Variants in FSBP observed in about 807,000 individuals in gnomAD.
FSBP encodes fibrinogen silencer binding protein, also known as fibrinogen silencer-binding protein.
In FSBP, 18 loss-of-function variants were observed where a neutral mutation model predicts 24.6. That is an observed-to-expected ratio of 0.73 (90% CI 0.51 to 1.08). FSBP has a LOEUF of 1.08. Among genes scored for constraint, FSBP ranks in the 50% least tolerant of loss-of-function variants. The pLI is 0.00. For synonymous variants in FSBP, 110 were observed against 125.8 expected (o/e 0.87, Z 0.84); for missense variants, 305 against 347.6 (o/e 0.88, Z 0.98).
chr8:94,430,728 T>A lies in FSBP; in HGVS notation c.*1403A>T. 1 of 955,952 alleles carries A rather than the reference T, an allele frequency of 1.0e-6. No individual in the cohort carries two copies. Among genetic ancestry groups the A allele is most frequent in the Non-Finnish European group, 1.2e-6 (1 of 803,160 alleles). The allele number at this position is 955,952 out of a possible 1,614,324, so 59.2% of individuals were successfully genotyped here. A position where few individuals can be genotyped will look rare whatever the true frequency, so the allele number is the denominator to read the frequency against. ...ATGTTTTAAAAGCATTTTGTGTTATTTGCAAACATTTTAAAATTGGAAGAT... is the reference window on the plus strand; with the variant it reads ...ATGTTTTAAAAGCATTTTGTGTTATATGCAAACATTTTAAAATTGGAAGAT... On this transcript the variant is annotated 3_prime_UTR_variant, in exon 2 of 2. Transcript: ENST00000481490.
At chr8:94,434,680 TA>T (rs1412584791) in intron 1 of FSBP, among the ~76,000 whole-genome samples, 3 of 151,570 alleles carry the variant, frequency 2.0e-5, no homozygotes, top group Non-Finnish European at 4.4e-5. Context: ...ATCAATCAAA[TA>T]AATATAAGCA....
In FSBP at chr8:94,432,119, T is replaced by TG; in HGVS notation, c.*11dup. On this transcript the variant is annotated 3_prime_UTR_variant, in exon 2 of 2. Transcript: ENST00000481490. The stretch of plus-strand genomic sequence containing the variant: ...AATCAAAATTATCAAATTGCAAGAT[T>TG]GAAAAAAAAACTTAGAGACTGTTAT... 6.6e-7 allele frequency: 1 copy of TG among 1,511,038 alleles called. No homozygotes were observed. Among genetic ancestry groups the TG allele is most frequent in the Non-Finnish European group, 8.8e-7 (1 of 1,131,664 alleles). The allele number at this position is 1,511,038 out of a possible 1,614,324, so 93.6% of individuals were successfully genotyped here. A position where few individuals can be genotyped will look rare whatever the true frequency, so the allele number is the denominator to read the frequency against.
rs941258942 is a variant in FSBP at position 94,429,142 on chromosome 8, T to A, written c.*2989A>T. On this transcript the variant is annotated 3_prime_UTR_variant, in exon 2 of 2. Coordinates refer to ENST00000481490, the MANE Select transcript of FSBP (RefSeq NM_001256141.2). ...ACTCAAAGAGTGTGATTCTGGTGTT[T>A]AAAAATATGTAAAAATAGGTTTCTT... is the stretch of plus-strand genomic sequence containing the variant. 1 of 972,296 alleles carries A rather than the reference T, an allele frequency of 1.0e-6. No individual in the cohort carries two copies. Among genetic ancestry groups the A allele is most frequent in the Non-Finnish European group, 1.2e-6 (1 of 818,130 alleles). The allele number at this position is 972,296 out of a possible 1,614,324, so 60.2% of individuals were successfully genotyped here.
intron 1 of FSBP, among the ~76,000 whole-genome samples, chr8:94,433,713 T>C (rs1160512021): frequency 6.6e-6 from 1 of 151,882 alleles, no homozygotes; most frequent in Non-Finnish European, 1.5e-5. Context: ...TTTTTTTTAA[T>C]TTATGCTTCT....
In FSBP at chr8:94,430,329, T is replaced by C. The variant is rs1457143144; in HGVS notation, c.*1802A>G. 2 of 967,216 alleles carry C rather than the reference T, an allele frequency of 2.1e-6. No individual in the cohort carries two copies. Among genetic ancestry groups the C allele is most frequent in the Non-Finnish European group, 2.5e-6 (2 of 815,472 alleles). 59.9% of individuals were successfully genotyped at this position (967,216 alleles called of 1,614,324 possible). On this transcript the variant is annotated 3_prime_UTR_variant, in exon 2 of 2. Coordinates refer to ENST00000481490, the MANE Select transcript of FSBP (RefSeq NM_001256141.2). The stretch of plus-strand genomic sequence containing the variant: ...CCATCTCAAAAAAAAAAAAAAAAAG[T>C]ATTTAATGTAATTCATAATCTGGTA...
chr8:94,435,533 AAGG>A (rs1812231294), intron 1 of FSBP, among the ~76,000 whole-genome samples: 1 of 152,126 alleles, frequency 6.6e-6, no homozygotes, highest in African/African-American at 2.4e-5. Context: ...TCAAACTAAC[AAGG>A]AGTTTACAAT....
Position 94,431,201 on chromosome 8 carries a change from C to T in FSBP, c.*930G>A, listed in dbSNP as rs968270291. Reference sequence around the variant, plus strand: ...CTAAAATAACAATACTTATAAAATACATAAAATTTTAATTTTGTTCATTCT... The same window carrying T: ...CTAAAATAACAATACTTATAAAATATATAAAATTTTAATTTTGTTCATTCT... On this transcript the variant is annotated 3_prime_UTR_variant, in exon 2 of 2. Transcript: ENST00000481490. 5.4e-6 allele frequency: 5 copies of T among 929,232 alleles called. No individual in the cohort carries two copies. Among genetic ancestry groups the T allele is most frequent in the Non-Finnish European group, 6.4e-6 (5 of 779,062 alleles). The allele number at this position is 929,232 out of a possible 1,614,324, so 57.6% of individuals were successfully genotyped here. A position where few individuals can be genotyped will look rare whatever the true frequency, so the allele number is the denominator to read the frequency against.
rs1812103548 is a variant in FSBP, at chr8:94,431,846, T to C, written c.*285A>G. On this transcript the variant is annotated 3_prime_UTR_variant, in exon 2 of 2. Transcript: ENST00000481490. ...CTTTGAAAGAATATGTGTTTGTATA[T>C]GCATTTGTGTATATCTTAGTGATCA... 1.9e-6 allele frequency: 2 copies of C among 1,070,254 alleles called. No individual in the cohort carries two copies. Among genetic ancestry groups the C allele is most frequent in the Non-Finnish European group, 2.3e-6 (2 of 879,156 alleles). 66.3% of individuals were successfully genotyped at this position (1,070,254 alleles called of 1,614,324 possible).
Position 94,428,874 on chromosome 8 carries a change from T to A in FSBP, c.*3257A>T. The A allele has an allele frequency of 1.0e-6, 1 of 985,228 alleles. No homozygotes were observed. The highest frequency in any genetic ancestry group is 1.2e-6 in the Non-Finnish European group (1 of 829,812). 61.0% of individuals were successfully genotyped at this position (985,228 alleles called of 1,614,324 possible). A position where few individuals can be genotyped will look rare whatever the true frequency, so the allele number is the denominator to read the frequency against. ...TACAAAAAAGAAGAAAAAAAAAGGT[T>A]TGGTTCCAAATTACCCTAAGATACT... is the stretch of plus-strand genomic sequence containing the variant. On this transcript the variant is annotated 3_prime_UTR_variant, in exon 2 of 2. Transcript: ENST00000481490.
chr8:94,428,308 C>T lies in FSBP; in HGVS notation c.*3823G>A. 1.0e-6 allele frequency: 1 copy of T among 982,698 alleles called. No individual in the cohort carries two copies. Among genetic ancestry groups the T allele is most frequent in the East Asian group, 1.1e-4 (1 of 8,816 alleles). The allele number at this position is 982,698 out of a possible 1,614,324, so 60.9% of individuals were successfully genotyped here. ...ATTTTGTAATTAAAGCTCATGGACC[C>T]CAAACAATTGTCTATGATATGCAAG... On this transcript the variant is annotated 3_prime_UTR_variant, in exon 2 of 2. Transcript: ENST00000481490.
chr8:94,429,663 A>T lies in FSBP; in HGVS notation c.*2468T>A, dbSNP rs568112224. The stretch of plus-strand genomic sequence containing the variant: ...CCTCAAATTAAGAATTACAAGATTC[A>T]TTAGACTCAAAGAAAAGTCATAGCA... On this transcript the variant is annotated 3_prime_UTR_variant, in exon 2 of 2. Coordinates refer to ENST00000481490, the MANE Select transcript of FSBP (RefSeq NM_001256141.2). The T allele has an allele frequency of 1.1e-5, 11 of 983,706 alleles. No homozygotes were observed. Among genetic ancestry groups the T allele is most frequent in the African/African-American group, 1.7e-5 (1 of 57,316 alleles). 60.9% of individuals were successfully genotyped at this position (983,706 alleles called of 1,614,324 possible). A position where few individuals can be genotyped will look rare whatever the true frequency, so the allele number is the denominator to read the frequency against.
chr8:94,430,715 C>A lies in FSBP; in HGVS notation c.*1416G>T, dbSNP rs536062108. ...TGTTGTCTGTATAATGTTTTAAAAG[C>A]ATTTTGTGTTATTTGCAAACATTTT... On this transcript the variant is annotated 3_prime_UTR_variant, in exon 2 of 2. Transcript: ENST00000481490. The A allele has an allele frequency of 2.1e-6, 2 of 933,002 alleles. No homozygotes were observed. Among genetic ancestry groups the A allele is most frequent in the Admixed American group, 1.2e-4 (2 of 16,210 alleles). The allele number at this position is 933,002 out of a possible 1,614,324, so 57.8% of individuals were successfully genotyped here. A position where few individuals can be genotyped will look rare whatever the true frequency, so the allele number is the denominator to read the frequency against.
Position 94,436,822 on chromosome 8 carries a change from A to G in FSBP, c.47T>C (p.Leu16Pro), listed in dbSNP as rs1812276831. Residue 16 changes from leucine to proline, a missense_variant, in exon 1 of 2, where the codon CTT becomes CCT. Leu to Pro is a moderately conservative substitution (Grantham distance 98). Coordinates refer to ENST00000481490, the MANE Select transcript of FSBP (RefSeq NM_001256141.2). ...TGGCTTCACAAGCTTTAGCAAATCA[A>G]GCTTTTCGGATAAGGTAAAATTGGA... ...RSSNFTLSEK[L>P]DLLKLVKPYV... 3 of 1,546,526 alleles carry G rather than the reference A, an allele frequency of 1.9e-6. No homozygotes were observed. The highest frequency in any genetic ancestry group is 2.6e-6 in the Non-Finnish European group (3 of 1,145,692).
chr8:94,428,796 A>T lies in FSBP; in HGVS notation c.*3335T>A. 1.0e-6 allele frequency: 1 copy of T among 985,334 alleles called. No individual in the cohort carries two copies. Among genetic ancestry groups the T allele is most frequent in the Non-Finnish European group, 1.2e-6 (1 of 829,876 alleles). 61.0% of individuals were successfully genotyped at this position (985,334 alleles called of 1,614,324 possible). On this transcript the variant is annotated 3_prime_UTR_variant, in exon 2 of 2. Coordinates refer to ENST00000481490, the MANE Select transcript of FSBP (RefSeq NM_001256141.2). ...CCCCTTAATGAAACTTGTCCTCAAC[A>T]AAAACTGCTAATGTTAGTTGGTAAG...
chr8:94,435,538 G>A (rs1267494107), intron 1 of FSBP, among the ~76,000 whole-genome samples: 6 of 152,122 alleles, frequency 3.9e-5, no homozygotes, highest in East Asian at 1.9e-4. Flanking sequence ...CTAACAAGGA[G>A]TTTACAATTT....
chr8:94,430,353 T>A lies in FSBP; in HGVS notation c.*1778A>T. 1 of 983,540 alleles carries A rather than the reference T, an allele frequency of 1.0e-6. No individual in the cohort carries two copies. The allele number at this position is 983,540 out of a possible 1,614,324, so 60.9% of individuals were successfully genotyped here. A position where few individuals can be genotyped will look rare whatever the true frequency, so the allele number is the denominator to read the frequency against. ...GTATTTAATGTAATTCATAATCTGGTATCAACCATCATCCAAATTTATATC... is the reference window on the plus strand; with the variant it reads ...GTATTTAATGTAATTCATAATCTGGAATCAACCATCATCCAAATTTATATC... On this transcript the variant is annotated 3_prime_UTR_variant, in exon 2 of 2. Transcript: ENST00000481490.
Position 94,432,326 on chromosome 8 carries a change from G to C in FSBP, c.705C>G (p.Ile235Met). The C allele has an allele frequency of 6.5e-7, 1 of 1,550,166 alleles. No homozygotes were observed. Among genetic ancestry groups the C allele is most frequent in the Admixed American group, 2.0e-5 (1 of 50,972 alleles). The change falls in exon 2 of 2, where the codon ATC becomes ATG. Residue 235 changes from isoleucine (I) to methionine (M), a missense_variant. Ile to Met is a conservative substitution (Grantham distance 10). Transcript: ENST00000481490. ...FRSLLGYDPQ[I>M]LQMLKEEHQI... ...GATGCTCCTCTTTCAACATTTGCAG[G>C]ATCTGAGGATCATACCCTAATAGTG...
chr8:94,430,504 A>C lies in FSBP; in HGVS notation c.*1627T>G, dbSNP rs1812064461. On this transcript the variant is annotated 3_prime_UTR_variant, in exon 2 of 2. Transcript: ENST00000481490. ...ACTTTAGCATGCATCAGAATCGCTA[A>C]AGGGTTTATTAAAAGAGATTGCTGA... 3.2e-6 allele frequency: 3 copies of C among 931,708 alleles called. No homozygotes were observed. The highest frequency in any genetic ancestry group is 2.6e-6 in the Non-Finnish European group (2 of 781,256). 57.7% of individuals were successfully genotyped at this position (931,708 alleles called of 1,614,324 possible).
In FSBP at chr8:94,429,539, A is replaced by G. The variant is rs1812033098; in HGVS notation, c.*2592T>C. 3.0e-6 allele frequency: 3 copies of G among 984,260 alleles called. No individual in the cohort carries two copies. Among genetic ancestry groups the G allele is most frequent in the Non-Finnish European group, 3.6e-6 (3 of 828,838 alleles). The allele number at this position is 984,260 out of a possible 1,614,324, so 61.0% of individuals were successfully genotyped here. ...ATTCTTAGTAGCATGCTGAAACTGT[A>G]AAGTGAATTACATCTCATATATGTG... On this transcript the variant is annotated 3_prime_UTR_variant, in exon 2 of 2. Transcript: ENST00000481490.
Sources: gnomAD v4.1 joint callset for allele counts (sites outside exome capture counted in the v4.1 genomes callset) on GRCh38, gnomAD v4.1.1 for gene constraint, MANE v1.5 for transcripts, NCBI Gene and HGNC (gene_info 2026-07-23, HGNC 2026-07-21) for gene names.